The following GAS7 variants were observed in gnomAD, a reference collection of about 807,000 sequenced individuals.
The protein encoded by GAS7 is growth arrest specific 7.
In GAS7, 28 loss-of-function variants were observed where a neutral mutation model predicts 71.1. The ratio of observed to expected loss-of-function variants is 0.39; its 90% CI spans 0.29 to 0.54. The LOEUF (loss-of-function observed/expected upper bound fraction) is 0.54, where lower values mean the gene tolerates loss of function less well. Ranked by LOEUF, GAS7 falls within the 20% of genes least tolerant of loss-of-function variation. GAS7 has a pLI of 0.62. For missense variants in GAS7, 436 were observed against 627.8 expected, an observed-to-expected ratio of 0.69 and a Z score of 3.27; for synonymous variants, 258 against 245.8, an observed-to-expected ratio of 1.05 and a Z score of -0.46.
Position 10,019,867 on chromosome 17 carries a change from C to G in GAS7, c.214G>C (p.Glu72Gln), listed in dbSNP as rs751058048. The change falls in exon 2 of 14, where the codon GAA becomes CAA. Residue 72 changes from glutamate (E) to glutamine (Q), a missense_variant. By Grantham distance (29) the Glu-to-Gln change is conservative. Coordinates refer to ENST00000432992, the MANE Select transcript of GAS7 (RefSeq NM_201433.2). ...KPGMVPPPPG[E>Q]ESQTVILPPG... ...GGAAGGATGACCGTCTGGCTTTCTT[C>G]TCCCGGCGGAGGGGGGACCATTCCA... 1.2e-6 allele frequency: 2 copies of G among 1,614,012 alleles called. No individual in the cohort carries two copies.
chr17:10,108,530 G>A (rs2073781008), intron 1 of GAS7, among the ~76,000 whole-genome samples: 2 of 152,282 alleles, frequency 1.3e-5, no homozygotes, highest in South Asian at 4.1e-4. Flanking sequence ...ATATAGTCCT[G>A]AAAAAGTTTC....
At chr17:10,177,176 A>T (rs554439153) in intron 1 of GAS7, among the ~76,000 whole-genome samples, 22 of 152,314 alleles carry the variant, frequency 1.4e-4, no homozygotes, top group African/African-American at 4.8e-4. Flanking sequence ...GGGGGAGAGC[A>T]AAGGCCACAC....
chr17:10,022,759 C>T (rs979381356), intron 1 of GAS7, among the ~76,000 whole-genome samples: 7 of 152,234 alleles, frequency 4.6e-5, no homozygotes, highest in Admixed American at 3.9e-4. Context: ...CGATACGGAC[C>T]TCCACCCTAG....
intron 2 of GAS7, among the ~76,000 whole-genome samples, chr17:9,996,665 G>A (rs2071058958): frequency 6.6e-6 from 1 of 151,098 alleles, no homozygotes; most frequent in African/African-American, 2.4e-5. Context: ...TTGAGACAGA[G>A]GCTCGCTCTG....
intron 1 of GAS7, among the ~76,000 whole-genome samples, chr17:10,028,759 CA>C (rs1215722153): frequency 6.6e-6 from 1 of 151,042 alleles, no homozygotes; most frequent in African/African-American, 2.4e-5. Context: ...AAGGTTGTAA[CA>C]GAAGGAAAAT....
At position 9,914,501 on chromosome 17, in the gene GAS7, C is replaced by G. The variant is rs1219118801; in HGVS notation, c.*2727G>C. 1.1e-5 allele frequency: 2 copies of G among 183,358 alleles called. No homozygotes were observed. Among genetic ancestry groups the G allele is most frequent in the East Asian group, 1.8e-4 (2 of 11,272 alleles). The allele number at this position is 183,358 out of a possible 1,614,324, so 11.4% of individuals were successfully genotyped here. ...TCGGCCTCCCAAAGAGCTGGGATTA[C>G]AGGCGTGAGCCACCGTGCCCGACCC... On this transcript the variant is annotated 3_prime_UTR_variant, in exon 14 of 14. Transcript: ENST00000432992.
rs1419663182 is a variant in GAS7, at chr17:9,919,772, G to A, written c.1139-67C>T. On this transcript the variant is annotated intron_variant, in intron 11 of 13. Transcript: ENST00000432992. The surrounding 1 kb of genome is among the most constrained non-coding windows in gnomAD (Gnocchi z 5.0). ...TCACCATGACTCTGTGCCCCACCCT[G>A]AGCCCCACAGCCAAGCCTTCTCCTC... 4 of 1,182,174 alleles carry A rather than the reference G, an allele frequency of 3.4e-6. No homozygotes were observed. The highest frequency in any genetic ancestry group is 5.1e-6 in the Non-Finnish European group (4 of 788,292). 73.2% of individuals were successfully genotyped at this position (1,182,174 alleles called of 1,614,324 possible).
intron 1 of GAS7, among the ~76,000 whole-genome samples, chr17:10,078,655 TG>T (rs1336233385): frequency 1.3e-5 from 2 of 151,994 alleles, no homozygotes; most frequent in African/African-American, 2.4e-5. Context: ...AAAAGTAAAG[TG>T]TTGGTGGAAA....
At chr17:10,176,972 A>C in intron 1 of GAS7, among the ~76,000 whole-genome samples, 1 of 152,232 alleles carries the variant, frequency 6.6e-6, no homozygotes, top group Non-Finnish European at 1.5e-5. Context: ...TTACTGAGCC[A>C]GACTTCAGAG....
intron 9 of GAS7, among the ~76,000 whole-genome samples, chr17:9,928,179 C>G (rs1302252776): frequency 6.6e-6 from 1 of 151,860 alleles, no homozygotes; most frequent in Non-Finnish European, 1.5e-5. Context: ...GCGACGCGAT[C>G]TCGGCTCACT....
At chr17:10,041,522 G>A (rs1415942770) in intron 1 of GAS7, among the ~76,000 whole-genome samples, 1 of 152,240 alleles carries the variant, frequency 6.6e-6, no homozygotes, top group South Asian at 2.1e-4. Context: ...CTGATCTGCT[G>A]TGGCCTGACC....
chr17:10,005,326 T>TACACACACACAC (rs543450625), intron 2 of GAS7, among the ~76,000 whole-genome samples: 20 of 150,498 alleles, frequency 1.3e-4, no homozygotes, highest in African/African-American at 4.7e-4. Context: ...CACATATATA[T>TACACACACACAC]ATACACACAC....
At chr17:10,157,625 G>C (rs1039696470) in intron 1 of GAS7, among the ~76,000 whole-genome samples, 2 of 152,168 alleles carry the variant, frequency 1.3e-5, no homozygotes, top group Admixed American at 1.3e-4. Flanking sequence ...CTGACACTGG[G>C]AAGCCTTGTA....
At chr17:10,187,955 T>A (rs542409081) in intron 1 of GAS7, among the ~76,000 whole-genome samples, 1 of 152,210 alleles carries the variant, frequency 6.6e-6, no homozygotes, top group Non-Finnish European at 1.5e-5. Context: ...TTTAGCATCA[T>A]TAACCAATAT....
chr17:10,109,364 T>C (rs1158278083), intron 1 of GAS7, among the ~76,000 whole-genome samples: 1 of 152,140 alleles, frequency 6.6e-6, no homozygotes, highest in Non-Finnish European at 1.5e-5. Context: ...TCCAGTTCCA[T>C]TCATGTTGCT....
intron 1 of GAS7, among the ~76,000 whole-genome samples, chr17:10,031,323 T>A (rs2072611779): frequency 6.6e-6 from 1 of 152,214 alleles, no homozygotes; most frequent in Admixed American, 6.5e-5. Context: ...AACCAGGAAT[T>A]TTGATGAACA....
intron 9 of GAS7, among the ~76,000 whole-genome samples, chr17:9,933,887 T>C (rs2152083187): frequency 6.6e-6 from 1 of 152,134 alleles, no homozygotes; most frequent in East Asian, 1.9e-4. Context: ...AATAAATACC[T>C]AGCACTTACC....
chr17:10,102,983 T>C (rs576829654), intron 1 of GAS7, among the ~76,000 whole-genome samples: 13 of 152,270 alleles, frequency 8.5e-5, no homozygotes, highest in Non-Finnish European at 1.9e-4. Context: ...ATCTCGATCC[T>C]CAGAGTGGGA....
chr17:10,162,128 C>A (rs2074261660), intron 1 of GAS7, among the ~76,000 whole-genome samples: 1 of 151,596 alleles, frequency 6.6e-6, no homozygotes, highest in African/African-American at 2.4e-5. Context: ...TCCGAAGGCT[C>A]CCAGTCTGAA....
Sources: allele counts gnomAD v4.1 joint callset (sites outside exome capture counted in the v4.1 genomes callset), GRCh38; gene constraint gnomAD v4.1.1; non-coding constraint Gnocchi (gnomAD v3.1); transcripts MANE v1.5; gene names NCBI Gene and HGNC (gene_info 2026-07-23, HGNC 2026-07-21).